Variants in GLI2 observed in about 807,000 individuals in gnomAD.
GLI2 encodes the protein transcription activator GLI2.
A neutral mutation model predicts 78.9 loss-of-function variants in GLI2; 22 were observed. The observed-to-expected ratio is 0.28, with a 90% CI of 0.20 to 0.40. GLI2 has a LOEUF of 0.40. GLI2 is among the 10% of genes least tolerant of loss of function. The pLI is 1.00. For missense variants in GLI2, 2,097 were observed against 2,213.2 expected (o/e 0.95, Z 1.05); for synonymous variants, 974 against 963.7 (o/e 1.01, Z -0.20).
chr2:120,795,549 C>A (rs553576512), intron 1 of GLI2, among the ~76,000 whole-genome samples: 16 of 137,036 alleles, frequency 1.2e-4, no homozygotes, highest in Admixed American at 8.7e-4. Context: ...AAAAAAAAAA[C>A]AACATAAAAC....
At chr2:120,969,725 C>G (rs919122397) in intron 6 of GLI2, among the ~76,000 whole-genome samples, 2 of 152,218 alleles carry the variant, frequency 1.3e-5, no homozygotes, top group Non-Finnish European at 2.9e-5. Flanking sequence ...CCTCACAGCG[C>G]TCTCAGCAGT....
intron 1 of GLI2, among the ~76,000 whole-genome samples, chr2:120,775,115 C>A (rs987916857): frequency 3.3e-5 from 5 of 152,190 alleles, no homozygotes; most frequent in Admixed American, 3.3e-4. Context: ...TTGTCTTGCC[C>A]ACTTTCCTAC....
At chr2:120,859,378 C>G in intron 2 of GLI2, among the ~76,000 whole-genome samples, 1 of 151,846 alleles carries the variant, frequency 6.6e-6, no homozygotes, top group East Asian at 1.9e-4. Flanking sequence ...AGGGCTGTTT[C>G]CTGAAACAAG....
chr2:120,986,675 G>A, intron 13 of GLI2, 61 bp downstream of exon 13: 1 of 1,350,908 alleles, frequency 7.4e-7, no homozygotes, highest in Non-Finnish European at 1.1e-6. Context: ...GCACCAACTA[G>A]GCTGGCACCC....
At chr2:120,744,369 T>G (rs557553978) in intron 1 of GLI2, among the ~76,000 whole-genome samples, 1 of 152,296 alleles carries the variant, frequency 6.6e-6, no homozygotes, top group South Asian at 2.1e-4. Context: ...CTCTTGGGCT[T>G]GAGAGAATGC....
chr2:120,971,233 G>A (rs1044458870), intron 7 of GLI2, among the ~76,000 whole-genome samples: 13 of 152,310 alleles, frequency 8.5e-5, no homozygotes, highest in Non-Finnish European at 1.5e-4. Context: ...CCTAGGTGGG[G>A]TCACTGTGCA....
In GLI2 at chr2:120,970,502, C is replaced by G; in HGVS notation, c.955C>G (p.Pro319Ala). ...AFGHTPPLIQ[P>A]SPTFLAQQPM... ...TGGACACACACCACCCCTGATCCAG[C>G]CCTCACCCACCTTCCTGGCCCAGCA... The change falls in exon 7 of 14, where the codon CCC (proline) becomes GCC (alanine). Residue 319 changes from proline to alanine, a missense_variant. By Grantham distance (27) the Pro-to-Ala change is conservative. Coordinates refer to ENST00000361492, the MANE Select transcript of GLI2 (RefSeq NM_001374353.1). 6.2e-7 allele frequency: 1 copy of G among 1,614,002 alleles called. No homozygotes were observed. Among genetic ancestry groups the G allele is most frequent in the Non-Finnish European group, 8.5e-7 (1 of 1,179,874 alleles).
At chr2:120,764,016 G>T (rs1433140386) in intron 1 of GLI2, among the ~76,000 whole-genome samples, 2 of 152,206 alleles carry the variant, frequency 1.3e-5, no homozygotes, top group African/African-American at 4.8e-5. Flanking sequence ...TTTCCTACCG[G>T]GTCCCAAGAA....
intron 2 of GLI2, among the ~76,000 whole-genome samples, chr2:120,899,068 A>G (rs963001673): frequency 1.3e-5 from 2 of 152,106 alleles, no homozygotes; most frequent in African/African-American, 2.4e-5. Context: ...GCCTCTCTCC[A>G]AACACTGGGT....
In GLI2 at chr2:120,965,868, G is replaced by A. The variant is rs1355360795; in HGVS notation, c.644-2846G>A. Among the ~76,000 whole-genome samples the A allele has an allele frequency of 3.3e-5, 5 of 152,230 alleles. No individual in the cohort carries two copies. The South Asian group carries it at 8.3e-4, about 25-fold the overall frequency. ...TCCTTCCTGCTGTAAGAGAAAGAAG[G>A]AGTTGTCTGAGTGAGTTACCTGCTC... On this transcript the variant is annotated intron_variant, in intron 5 of 13. Transcript: ENST00000361492.
chr2:120,769,098 C>T (rs527739709), intron 1 of GLI2, among the ~76,000 whole-genome samples: 1 of 152,314 alleles, frequency 6.6e-6, no homozygotes, highest in East Asian at 1.9e-4. Context: ...GCATCTCTGA[C>T]AGGAAGTAGC....
chr2:120,963,155 A>T (rs765569045), intron 5 of GLI2, among the ~76,000 whole-genome samples: 3 of 152,174 alleles, frequency 2.0e-5, no homozygotes, highest in Non-Finnish European at 4.4e-5. Context: ...CCTTCACTCC[A>T]TTATTGACTG....
chr2:120,955,153 C>G (rs10175446), intron 4 of GLI2, 92 bp from the exon 5 acceptor site: 2 of 146,272 alleles, frequency 1.4e-5, no homozygotes, highest in Non-Finnish European at 1.5e-5. Context: ...TTCTCTCTGC[C>G]TTTTTTTTTT....
chr2:120,845,226 T>C (rs1310458207), intron 2 of GLI2, among the ~76,000 whole-genome samples: 1 of 152,100 alleles, frequency 6.6e-6, no homozygotes, highest in Non-Finnish European at 1.5e-5. Flanking sequence ...TGAGCCGAGA[T>C]TGTGCCACTG....
intron 2 of GLI2, among the ~76,000 whole-genome samples, chr2:120,825,462 GGCTGTGAGTGTGCAT>G (rs1409999706): frequency 0.043 from 6,523 of 150,910 alleles, 465 homozygotes; most frequent in African/African-American, 0.15. Flanking sequence ...GTGTGCTCCT[GGCTGTGAGTGTGCAT>G]CTGGCTGTGA....
At chr2:120,981,934 T>C (rs1317757221) in intron 10 of GLI2, among the ~76,000 whole-genome samples, 1 of 152,194 alleles carries the variant, frequency 6.6e-6, no homozygotes, top group Admixed American at 6.5e-5. Context: ...AGATTCCTGC[T>C]CTATGGAGCT....
intron 2 of GLI2, among the ~76,000 whole-genome samples, chr2:120,887,741 A>C (rs1458673707): frequency 6.6e-6 from 1 of 152,188 alleles, no homozygotes; most frequent in Non-Finnish European, 1.5e-5. Context: ...ATGGATTGTC[A>C]GGGTCGGGGG....
intron 2 of GLI2, among the ~76,000 whole-genome samples, chr2:120,923,727 C>T (rs957630741): frequency 2.0e-4 from 31 of 151,670 alleles, no homozygotes; most frequent in Admixed American, 5.9e-4. Context: ...GAGACACACA[C>T]GACACACTAC....
intron 2 of GLI2, among the ~76,000 whole-genome samples, chr2:120,849,499 G>A (rs968326685): frequency 6.6e-6 from 1 of 152,168 alleles, no homozygotes; most frequent in Admixed American, 6.5e-5. Flanking sequence ...GTGTTCTTTT[G>A]TAGAGAAAGT....
Sources: allele counts gnomAD v4.1 joint callset (sites outside exome capture counted in the v4.1 genomes callset), GRCh38; gene constraint gnomAD v4.1.1; transcripts MANE v1.5; gene names NCBI Gene and HGNC (gene_info 2026-07-23, HGNC 2026-07-21).